SPMAP2L: variants seen among roughly 807,000 people sequenced by gnomAD.
SPMAP2L encodes sperm microtubule associated protein 2 like.
the SPMAP2L span, among the ~76,000 whole-genome samples, chr4:56,557,257 CAAAAA>C: frequency 7.9e-6 from 1 of 126,996 alleles, no homozygotes; most frequent in Non-Finnish European, 1.7e-5. Context: ...GACTCTGTCT[CAAAAA>C]AAAAAAAAAG....
chr4:56,585,526 TAG>T, the SPMAP2L span, among the ~76,000 whole-genome samples: 1 of 152,072 alleles, frequency 6.6e-6, no homozygotes, highest in East Asian at 1.9e-4. Flanking sequence ...ACATTTTTTG[TAG>T]AGACAGTTTC....
chr4:56,535,573 A>G, the SPMAP2L span, among the ~76,000 whole-genome samples: 3 of 151,892 alleles, frequency 2.0e-5, no homozygotes, highest in Non-Finnish European at 4.4e-5. Flanking sequence ...GGAATTGCTC[A>G]CTCGGGGAGC....
At chr4:56,621,282 C>T in the SPMAP2L span, among the ~76,000 whole-genome samples, 1 of 151,096 alleles carries the variant, frequency 6.6e-6, no homozygotes, top group Non-Finnish European at 1.5e-5. Context: ...TTTTTGTACT[C>T]CCAGAATTCA....
At chr4:56,572,735 G>T in the SPMAP2L span, among the ~76,000 whole-genome samples, 297 of 151,714 alleles carry the variant, frequency 2.0e-3, no homozygotes, top group African/African-American at 6.8e-3. Flanking sequence ...AATATTTGAG[G>T]CTGGGAGTGG....
chr4:56,585,723 T>C, the SPMAP2L span, among the ~76,000 whole-genome samples: 1 of 152,226 alleles, frequency 6.6e-6, no homozygotes, highest in Non-Finnish European at 1.5e-5. Flanking sequence ...CAAGCAATCC[T>C]ACTGCACTTA....
the SPMAP2L span, among the ~76,000 whole-genome samples, chr4:56,578,246 T>C: frequency 1.3e-5 from 2 of 152,090 alleles, no homozygotes; most frequent in African/African-American, 4.8e-5. Flanking sequence ...TAGAGCTATA[T>C]AGGAGCAAAG....
the SPMAP2L span, among the ~76,000 whole-genome samples, chr4:56,560,695 T>C: frequency 1.3e-5 from 2 of 152,190 alleles, no homozygotes; most frequent in African/African-American, 4.8e-5. Context: ...TCCAAAGTGC[T>C]GGGATTACAG....
At chr4:56,567,601 A>G in the SPMAP2L span, among the ~76,000 whole-genome samples, 1 of 151,774 alleles carries the variant, frequency 6.6e-6, no homozygotes, top group Non-Finnish European at 1.5e-5. Flanking sequence ...TACTTCTTTT[A>G]GTTCAGGTCT....
At chr4:56,616,676 G>A in the SPMAP2L span, among the ~76,000 whole-genome samples, 6 of 152,186 alleles carry the variant, frequency 3.9e-5, no homozygotes, top group Non-Finnish European at 7.3e-5. Flanking sequence ...CAGGGCTGTA[G>A]ACCGTAGTGA....
At chr4:56,530,887 G>T in the SPMAP2L span, 1 of 1,534,846 alleles carries the variant, frequency 6.5e-7, no homozygotes, top group Non-Finnish European at 8.7e-7. Flanking sequence ...AGACCAGAGA[G>T]ACGAGTCCGA....
the SPMAP2L span, among the ~76,000 whole-genome samples, chr4:56,560,490 G>T: frequency 2.6e-5 from 4 of 152,148 alleles, no homozygotes. Context: ...TCTTGTGGTG[G>T]TGACCTCCAA....
At chr4:56,577,143 GC>G in the SPMAP2L span, among the ~76,000 whole-genome samples, 277 of 152,228 alleles carry the variant, frequency 1.8e-3, no homozygotes, top group African/African-American at 6.1e-3. Context: ...GGTGGCTCAC[GC>G]CTGTAATCCC....
At chr4:56,558,255 G>A in the SPMAP2L span, among the ~76,000 whole-genome samples, 197 of 152,270 alleles carry the variant, frequency 1.3e-3, no homozygotes, top group African/African-American at 4.6e-3. Flanking sequence ...ACAGGCATGA[G>A]CCACCACGTC....
At chr4:56,585,701 C>T in the SPMAP2L span, among the ~76,000 whole-genome samples, 1 of 152,200 alleles carries the variant, frequency 6.6e-6, no homozygotes, top group Non-Finnish European at 1.5e-5. Context: ...CTTCAGTTCA[C>T]TTAGAAGCAA....
At chr4:56,557,064 C>T in the SPMAP2L span, among the ~76,000 whole-genome samples, 204 of 151,404 alleles carry the variant, frequency 1.3e-3, no homozygotes, top group African/African-American at 4.7e-3. Flanking sequence ...GCCTGGCCAA[C>T]GTAGTGAAAC....
At chr4:56,574,489 GC>G in the SPMAP2L span, among the ~76,000 whole-genome samples, 1 of 152,026 alleles carries the variant, frequency 6.6e-6, no homozygotes, top group Non-Finnish European at 1.5e-5. Flanking sequence ...TAGTTAACAA[GC>G]CCCAATAATG....
At chr4:56,568,651 C>A in the SPMAP2L span, among the ~76,000 whole-genome samples, 4 of 152,054 alleles carry the variant, frequency 2.6e-5, no homozygotes, top group Admixed American at 2.0e-4. Flanking sequence ...AATAGTGAGA[C>A]CCCATCTCTG....
chr4:56,607,336 C>G, the SPMAP2L span, among the ~76,000 whole-genome samples: 2 of 152,082 alleles, frequency 1.3e-5, no homozygotes, highest in Admixed American at 6.6e-5. Context: ...TACCAGATAC[C>G]GAATCTATTG....
At chr4:56,594,100 G>A in the SPMAP2L span, 1 of 1,608,534 alleles carries the variant, frequency 6.2e-7, no homozygotes, top group Non-Finnish European at 8.5e-7. Context: ...AAAAAGATCT[G>A]GACGATTTGT....
Sources: allele counts gnomAD v4.1 joint callset (sites outside exome capture counted in the v4.1 genomes callset), GRCh38; gene constraint gnomAD v4.1.1; transcripts MANE v1.5; gene names NCBI Gene and HGNC (gene_info 2026-07-23, HGNC 2026-07-21).